ZBTB20: variants seen among roughly 807,000 people sequenced by gnomAD.
ZBTB20 encodes the protein zinc finger and BTB domain-containing protein 20.
ZBTB20 carries 9 observed loss-of-function variants against 56.9 expected under a neutral mutation model. The observed-to-expected ratio is 0.16, with a 90% confidence interval of 0.10 to 0.28. The LOEUF (loss-of-function observed/expected upper bound fraction) is 0.28, where lower values mean the gene tolerates loss of function less well. Among genes scored for constraint, ZBTB20 ranks in the 10% least tolerant of loss-of-function variants. ZBTB20 has a pLI of 1.00. For missense variants in ZBTB20, 655 were observed against 1,003.0 expected, an observed-to-expected ratio of 0.65 and a Z score of 4.69; for synonymous variants, 417 against 420.7, an observed-to-expected ratio of 0.99 and a Z score of 0.11.
chr3:114,539,495 C>A (rs911255605), intron 6 of ZBTB20, among the ~76,000 whole-genome samples: 11 of 152,082 alleles, frequency 7.2e-5, no homozygotes, highest in Non-Finnish European at 1.6e-4. Flanking sequence ...GTGTTATACC[C>A]ATTTTACAGA....
At position 114,321,731 on chromosome 3, in the gene ZBTB20, A is replaced by C. The variant is rs553998598; in HGVS notation, c.*17274T>G. 6.6e-6 allele frequency: 1 copy of C among 152,318 alleles called. No homozygotes were observed. The highest frequency in any genetic ancestry group is 2.1e-4 in the South Asian group (1 of 4,826). 9.4% of individuals were successfully genotyped at this position (152,318 alleles called of 1,614,324 possible). Reference sequence around the variant, plus strand: ...CTGCTTTTGGTTTCTTTTAACTTTGAGCTGTCCTTGGTTTTTCTCTCAGTC... The same window carrying C: ...CTGCTTTTGGTTTCTTTTAACTTTGCGCTGTCCTTGGTTTTTCTCTCAGTC... On this transcript the variant is annotated 3_prime_UTR_variant, in exon 12 of 12. Transcript: ENST00000675478.
intron 6 of ZBTB20, among the ~76,000 whole-genome samples, chr3:114,631,901 C>G (rs1484564495): frequency 6.6e-6 from 1 of 152,038 alleles, no homozygotes; most frequent in East Asian, 1.9e-4. Context: ...TGCCTAATTC[C>G]CTTAAGAAGG....
At chr3:115,141,203 G>A (rs1576838782) in intron 1 of ZBTB20, among the ~76,000 whole-genome samples, 2 of 152,200 alleles carry the variant, frequency 1.3e-5, no homozygotes, top group South Asian at 4.1e-4. Context: ...TTTTGTGTAT[G>A]ACTTCACTAA....
chr3:115,033,482 T>C (rs2080787476), intron 2 of ZBTB20, among the ~76,000 whole-genome samples: 1 of 151,430 alleles, frequency 6.6e-6, no homozygotes, highest in African/African-American at 2.4e-5. Context: ...AAACAAAAAA[T>C]TGAGCTACCA....
At chr3:114,515,375 G>C (rs1282445298) in intron 6 of ZBTB20, among the ~76,000 whole-genome samples, 8 of 152,072 alleles carry the variant, frequency 5.3e-5, no homozygotes, top group African/African-American at 1.4e-4. Context: ...CCTAGTTCTG[G>C]AGCTCAGATG....
chr3:114,842,575 G>A (rs1484834931), intron 4 of ZBTB20, among the ~76,000 whole-genome samples: 3 of 152,172 alleles, frequency 2.0e-5, no homozygotes, highest in African/African-American at 7.2e-5. Flanking sequence ...AGAAAGAGGA[G>A]TGTAGAACCA....
chr3:114,915,498 G>T (rs1318724546), intron 3 of ZBTB20, among the ~76,000 whole-genome samples: 1 of 151,548 alleles, frequency 6.6e-6, no homozygotes, highest in Non-Finnish European at 1.5e-5. Context: ...TTTTCAAAAT[G>T]TCTGTCAATT....
intron 7 of ZBTB20, among the ~76,000 whole-genome samples, chr3:114,461,450 G>C (rs139689680): frequency 6.6e-6 from 1 of 152,152 alleles, no homozygotes; most frequent in African/African-American, 2.4e-5. Flanking sequence ...GTGACCACAG[G>C]TGTGTGCCAC....
intron 6 of ZBTB20, among the ~76,000 whole-genome samples, chr3:114,680,105 G>A (rs906402767): frequency 4.6e-5 from 7 of 152,068 alleles, no homozygotes; most frequent in African/African-American, 7.2e-5. Flanking sequence ...TGAACACAGC[G>A]AGGGGAACAT....
intron 6 of ZBTB20, among the ~76,000 whole-genome samples, chr3:114,656,004 C>T (rs1210578937): frequency 6.6e-6 from 1 of 152,214 alleles, no homozygotes; most frequent in Non-Finnish European, 1.5e-5. Context: ...CTGCCTTTCA[C>T]ACTACTTATA....
intron 2 of ZBTB20, among the ~76,000 whole-genome samples, chr3:115,063,333 C>CT (rs2082079143): frequency 1.3e-5 from 2 of 152,126 alleles, no homozygotes; most frequent in Admixed American, 1.3e-4. Context: ...GCTGAGAAGT[C>CT]TGAGATTAGA....
At chr3:114,504,013 A>C (rs1039760095) in intron 6 of ZBTB20, among the ~76,000 whole-genome samples, 2 of 152,080 alleles carry the variant, frequency 1.3e-5, no homozygotes, top group Non-Finnish European at 2.9e-5. Flanking sequence ...CAGGTTAGGA[A>C]CCCCTGGCCT....
At chr3:115,129,434 G>A (rs1225140403) in intron 1 of ZBTB20, among the ~76,000 whole-genome samples, 1 of 152,068 alleles carries the variant, frequency 6.6e-6, no homozygotes. Context: ...TAAGTTTTTA[G>A]ACTTTTATAG....
At chr3:114,906,908 C>A (rs1362617321) in intron 3 of ZBTB20, among the ~76,000 whole-genome samples, 3 of 151,696 alleles carry the variant, frequency 2.0e-5, no homozygotes, top group African/African-American at 7.3e-5. Flanking sequence ...CAACATGATA[C>A]AAAAACTGCC....
At chr3:115,016,750 C>T (rs1356837370) in intron 2 of ZBTB20, among the ~76,000 whole-genome samples, 4 of 151,794 alleles carry the variant, frequency 2.6e-5, no homozygotes, top group Non-Finnish European at 5.9e-5. Flanking sequence ...AGTATGATGC[C>T]TGCAGCTTTG....
At chr3:114,568,983 T>C (rs932772233) in intron 6 of ZBTB20, among the ~76,000 whole-genome samples, 3 of 152,254 alleles carry the variant, frequency 2.0e-5, no homozygotes, top group Admixed American at 1.3e-4. Flanking sequence ...TTCCCCTGAG[T>C]AACACCCTGA....
At chr3:115,045,965 T>A (rs571427937) in intron 2 of ZBTB20, among the ~76,000 whole-genome samples, 1 of 152,342 alleles carries the variant, frequency 6.6e-6, no homozygotes, top group Admixed American at 6.5e-5. Flanking sequence ...CAATCTTTCA[T>A]CAAGGTATCT....
intron 5 of ZBTB20, among the ~76,000 whole-genome samples, chr3:114,793,697 G>A (rs1356457853): frequency 2.0e-5 from 3 of 152,100 alleles, no homozygotes; most frequent in Non-Finnish European, 2.9e-5. Context: ...TCCAAGAGAA[G>A]AACAGACTTG....
rs568761113 is a variant in ZBTB20, at chr3:114,335,309, C to A, written c.*3696G>T. 1.3e-5 allele frequency: 2 copies of A among 152,048 alleles called. No individual in the cohort carries two copies. The highest frequency in any genetic ancestry group is 1.3e-4 in the Admixed American group (2 of 15,266). The allele number at this position is 152,048 out of a possible 1,614,324, so 9.4% of individuals were successfully genotyped here. ...CTACTAGAAAGAAATTTTTTTAGCACTCATATCACCCTACCATGAAGGTCT... is the reference window on the plus strand; with the variant it reads ...CTACTAGAAAGAAATTTTTTTAGCAATCATATCACCCTACCATGAAGGTCT... On this transcript the variant is annotated 3_prime_UTR_variant, in exon 12 of 12. Transcript: ENST00000675478.
Sources: gnomAD v4.1 joint callset for allele counts (sites outside exome capture counted in the v4.1 genomes callset) on GRCh38, gnomAD v4.1.1 for gene constraint, MANE v1.5 for transcripts, NCBI Gene and HGNC (gene_info 2026-07-23, HGNC 2026-07-21) for gene names.